Variants in MIER1 observed in about 807,000 individuals in gnomAD.
MIER1 encodes mesoderm induction early response protein 1.
MIER1 carries 40 observed loss-of-function variants against 75.7 expected under a neutral mutation model. The observed-to-expected ratio is 0.53, with a 90% CI of 0.41 to 0.69. MIER1 has a LOEUF of 0.69. MIER1 is among the 30% of genes least tolerant of loss of function. The pLI, the probability that MIER1 is intolerant of heterozygous loss-of-function variation, is 0.00. For missense variants in MIER1, 574 were observed against 680.2 expected (o/e 0.84, Z 1.74); for synonymous variants, 213 against 223.4 (o/e 0.95, Z 0.42).
At chr1:66,943,208 C>G (rs1656666319) in intron 3 of MIER1, among the ~76,000 whole-genome samples, 1 of 152,048 alleles carries the variant, frequency 6.6e-6, no homozygotes, top group South Asian at 2.1e-4. Context: ...CTCTTGAAAA[C>G]TCAGAAGAGA....
At chr1:66,963,055 T>C in intron 7 of MIER1, 33 bp from the exon 8 acceptor site, 1 of 1,413,772 alleles carries the variant, frequency 7.1e-7, no homozygotes, top group Non-Finnish European at 1.0e-6. Context: ...TGTTACTAGA[T>C]CTTACTAATG....
At chr1:66,969,339 A>T (rs1006111109) in intron 8 of MIER1, among the ~76,000 whole-genome samples, 6 of 151,704 alleles carry the variant, frequency 4.0e-5, no homozygotes, top group African/African-American at 1.5e-4. Context: ...AGGTCAGGAG[A>T]TCGAGAACCA....
At chr1:66,926,011 T>C in intron 1 of MIER1, 131 bp from the exon 2 acceptor site, 1 of 685,396 alleles carries the variant, frequency 1.5e-6, no homozygotes, top group Non-Finnish European at 2.5e-6. Context: ...TTAAATGTTT[T>C]TCTAAAATTG....
chr1:66,971,036 A>G (rs971927512), intron 9 of MIER1, 77 bp downstream of exon 9: 23 of 1,367,594 alleles, frequency 1.7e-5, no homozygotes, highest in East Asian at 2.6e-5. Context: ...CATTGTTGTT[A>G]TTCTGTCCAC....
intron 4 of MIER1, among the ~76,000 whole-genome samples, chr1:66,957,041 T>A (rs1660280414): frequency 6.6e-6 from 1 of 152,238 alleles, no homozygotes; most frequent in Non-Finnish European, 1.5e-5. Context: ...TTCTAGCTTC[T>A]AAACTGATTG....
Position 66,977,634 on chromosome 1 carries a change from G to C in MIER1, c.1229+912G>C, listed in dbSNP as rs554576772. On this transcript the variant is annotated intron_variant, in intron 12 of 13. Transcript: ENST00000401041. ...GAATTTATTGTCTACACCTCATTCA[G>C]TCTAGCTTTGGAGTGAAACATTCCA... is the stretch of plus-strand genomic sequence containing the variant. Among the ~76,000 whole-genome samples, 12 of 152,156 alleles carry C rather than the reference G, an allele frequency of 7.9e-5. No individual in the cohort carries two copies. The East Asian group carries it at 2.3e-3, about 29-fold the overall frequency.
chr1:66,935,191 CT>C (rs1654484355), intron 2 of MIER1, among the ~76,000 whole-genome samples: 1 of 152,072 alleles, frequency 6.6e-6, no homozygotes, highest in African/African-American at 2.4e-5. Context: ...TTATAGTCTT[CT>C]GTTGTATGGG....
At chr1:66,979,071 G>C (rs959575552) in intron 12 of MIER1, among the ~76,000 whole-genome samples, 4 of 151,960 alleles carry the variant, frequency 2.6e-5, no homozygotes, top group African/African-American at 9.7e-5. Flanking sequence ...TGGTTTTGTA[G>C]GCTTCAGTTG....
rs1167503137 is a variant in MIER1, at chr1:66,946,274, T to C, written c.318T>C (p.Ser106=). 1.9e-6 allele frequency: 3 copies of C among 1,608,526 alleles called. No individual in the cohort carries two copies. In the Admixed American group the frequency reaches 5.1e-5, roughly 28 times the overall value. ...TGGAAGGAGAAACAAACTTCAGCTC[T>C]GAAATAGAAGATCTTGCAAGGGTAA... ...EMMEGETNFS[S]EIEDLAREGD... The change falls in exon 4 of 14, where the codon TCT becomes TCC. Residue 106 remains serine (S), a synonymous_variant. Coordinates refer to ENST00000401041, the MANE Select transcript of MIER1 (RefSeq NM_001077700.3).
chr1:66,963,311 C>A, intron 8 of MIER1, 151 bp downstream of exon 8: 1 of 518,418 alleles, frequency 1.9e-6, no homozygotes, highest in Middle Eastern at 4.9e-4. Context: ...TTCATTATTT[C>A]TGTGAGAAGA....
At chr1:66,935,203 A>T (rs1192739651) in intron 2 of MIER1, among the ~76,000 whole-genome samples, 1 of 152,172 alleles carries the variant, frequency 6.6e-6, no homozygotes, top group East Asian at 1.9e-4. Context: ...GTTGTATGGG[A>T]CATTTCCCAC....
In MIER1 at chr1:66,971,569, A is replaced by C; in HGVS notation, c.925-86A>C. 4 of 697,556 alleles carry C rather than the reference A, an allele frequency of 5.7e-6. No homozygotes were observed. The South Asian group carries it at 6.9e-5, about 12-fold the overall frequency. The allele number at this position is 697,556 out of a possible 1,614,324, so 43.2% of individuals were successfully genotyped here. ...ATTTGCCCTCAAAAAGGATGAAAAC[A>C]CTGGATGTTTGAAAAACTTTTAAGA... On this transcript the variant is annotated intron_variant, in intron 9 of 13. Transcript: ENST00000401041.
chr1:66,943,147 T>G (rs779679167), intron 3 of MIER1, among the ~76,000 whole-genome samples: 2 of 152,142 alleles, frequency 1.3e-5, no homozygotes, highest in East Asian at 3.9e-4. Context: ...GACTGACTAC[T>G]CAGTATCCCA....
At chr1:66,936,858 A>C (rs1654978705) in intron 2 of MIER1, among the ~76,000 whole-genome samples, 1 of 151,320 alleles carries the variant, frequency 6.6e-6, no homozygotes. Context: ...AATTAGCCAG[A>C]CGTGGTGGTG....
At chr1:66,949,262 GTTATT>G (rs1452327640) in intron 4 of MIER1, among the ~76,000 whole-genome samples, 1 of 151,814 alleles carries the variant, frequency 6.6e-6, no homozygotes, top group African/African-American at 2.4e-5. Flanking sequence ...TTATGAGTTA[GTTATT>G]TTTTTTCTAT....
intron 4 of MIER1, chr1:66,946,693 C>T (rs1657731624): frequency 2.0e-6 from 2 of 988,240 alleles, no homozygotes; most frequent in South Asian, 4.7e-5. Flanking sequence ...ACATAAAGTG[C>T]TCTAGATTAT....
At chr1:66,925,637 C>T (rs1356246119) in intron 1 of MIER1, 50 of 750,026 alleles carry the variant, frequency 6.7e-5, no homozygotes, top group Non-Finnish European at 7.8e-5. Flanking sequence ...CCTCCTAGCG[C>T]GTGGGAGGAT....
chr1:66,941,744 A>G (rs922076871), intron 3 of MIER1, among the ~76,000 whole-genome samples: 1 of 152,100 alleles, frequency 6.6e-6, no homozygotes, highest in Non-Finnish European at 1.5e-5. Flanking sequence ...GCCAAGACGG[A>G]TGGATCACTT....
chr1:66,985,836 T>G lies in MIER1; in HGVS notation c.*936T>G. On this transcript the variant is annotated 3_prime_UTR_variant, in exon 14 of 14. Coordinates refer to ENST00000401041, the MANE Select transcript of MIER1 (RefSeq NM_001077700.3). ...AAAATTTTTTTTTTTTTTTTTTTTT[T>G]TAAATTTCTACTTAAGGGCAAGTAA... 1.5e-6 allele frequency: 1 copy of G among 657,674 alleles called. No homozygotes were observed. The highest frequency in any genetic ancestry group is 1.8e-6 in the Non-Finnish European group (1 of 549,064). The allele number at this position is 657,674 out of a possible 1,614,324, so 40.7% of individuals were successfully genotyped here.
Sources: allele counts gnomAD v4.1 joint callset (sites outside exome capture counted in the v4.1 genomes callset), GRCh38; gene constraint gnomAD v4.1.1; transcripts MANE v1.5; gene names NCBI Gene and HGNC (gene_info 2026-07-23, HGNC 2026-07-21).